Variants in ADCY8 observed in about 807,000 individuals in gnomAD.
ADCY8 encodes the protein adenylate cyclase 8, also known as adenylate cyclase type 8.
A neutral mutation model predicts 119.7 loss-of-function variants in ADCY8; 51 were observed. The observed-to-expected ratio is 0.43, with a 90% CI of 0.34 to 0.54. The LOEUF (loss-of-function observed/expected upper bound fraction) is 0.54. ADCY8 is among the 20% of genes least tolerant of loss of function. The pLI is 0.03. For synonymous variants in ADCY8, 665 were observed against 651.0 expected, an observed-to-expected ratio of 1.02 and a Z score of -0.33; for missense variants, 1,383 against 1,598.8, an observed-to-expected ratio of 0.87 and a Z score of 2.30.
At chr8:130,821,275 A>C (rs1437427287) in intron 13 of ADCY8, 67 bp downstream of exon 13, 3 of 1,369,290 alleles carry the variant, frequency 2.2e-6, no homozygotes, top group Non-Finnish European at 3.1e-6. Flanking sequence ...AAAGAGCAGC[A>C]GAGGCCAGTT....
chr8:130,839,318 C>T (rs982955885), intron 11 of ADCY8, among the ~76,000 whole-genome samples: 2 of 139,938 alleles, frequency 1.4e-5, no homozygotes, highest in African/African-American at 4.9e-5. Flanking sequence ...TTACTCCTAT[C>T]CCCCATTCCA....
At chr8:130,794,713 A>G (rs547753400) in intron 15 of ADCY8, among the ~76,000 whole-genome samples, 1 of 152,366 alleles carries the variant, frequency 6.6e-6, no homozygotes, top group South Asian at 2.1e-4. Flanking sequence ...CTCACAGCAC[A>G]TGAATTTTAG....
intron 7 of ADCY8, among the ~76,000 whole-genome samples, chr8:130,890,487 C>T (rs117824332): frequency 0.022 from 3,333 of 152,220 alleles, 75 homozygotes; most frequent in South Asian, 0.08. Context: ...ATTCTGTTTA[C>T]CAAACTGTAT....
chr8:131,017,230 C>CGGCT (rs1399920375), intron 1 of ADCY8, among the ~76,000 whole-genome samples: 1 of 151,976 alleles, frequency 6.6e-6, no homozygotes, highest in African/African-American at 2.4e-5. Context: ...CCACCACGCC[C>CGGCT]GGCTAATTTG....
intron 2 of ADCY8, among the ~76,000 whole-genome samples, chr8:130,975,487 G>T (rs887771209): frequency 6.6e-6 from 1 of 152,200 alleles, no homozygotes; most frequent in Non-Finnish European, 1.5e-5. Flanking sequence ...AAGGTCCATT[G>T]TAGAAGCAAG....
chr8:130,864,660 A>G (rs1818053230), intron 9 of ADCY8, among the ~76,000 whole-genome samples: 1 of 152,114 alleles, frequency 6.6e-6, no homozygotes, highest in Admixed American at 6.5e-5. Flanking sequence ...CATTGAAGGC[A>G]TTCATTATTT....
At chr8:130,940,031 G>A (rs1347493045) in intron 4 of ADCY8, among the ~76,000 whole-genome samples, 1 of 152,158 alleles carries the variant, frequency 6.6e-6, no homozygotes, top group Non-Finnish European at 1.5e-5. Context: ...AAAGCACTTT[G>A]GCAAAAATCT....
intron 9 of ADCY8, among the ~76,000 whole-genome samples, chr8:130,852,484 T>A (rs760619586): frequency 1.1e-4 from 16 of 152,156 alleles, no homozygotes; most frequent in African/African-American, 1.4e-4. Context: ...TGCAGGCGGA[T>A]CGCTTTGTCA....
chr8:131,019,832 TC>T (rs1823603440), intron 1 of ADCY8, among the ~76,000 whole-genome samples: 2 of 111,688 alleles, frequency 1.8e-5, no homozygotes, highest in South Asian at 7.0e-4. Flanking sequence ...TCTCTCTCTC[TC>T]TCTCTGTCTG....
At chr8:130,892,253 A>G (rs1819213803) in intron 7 of ADCY8, 2 of 152,118 alleles carry the variant, frequency 1.3e-5, no homozygotes, top group African/African-American at 2.4e-5. Flanking sequence ...TGAGTAAACA[A>G]TGTCAGTCTG....
chr8:131,014,309 T>C (rs1372901424), intron 1 of ADCY8, among the ~76,000 whole-genome samples: 1 of 152,208 alleles, frequency 6.6e-6, no homozygotes, highest in Non-Finnish European at 1.5e-5. Context: ...ATGGTGATTA[T>C]GAGTAAGTGC....
intron 8 of ADCY8, among the ~76,000 whole-genome samples, chr8:130,871,741 T>G (rs1818366083): frequency 6.6e-6 from 1 of 152,212 alleles, no homozygotes; most frequent in African/African-American, 2.4e-5. Context: ...AAAAGATTCT[T>G]CTAAAGAAAT....
chr8:131,032,701 C>G (rs1001250105), intron 1 of ADCY8, among the ~76,000 whole-genome samples: 9 of 152,148 alleles, frequency 5.9e-5, no homozygotes, highest in African/African-American at 1.9e-4. Context: ...AATCTGGCTT[C>G]CGAAGCACTG....
At chr8:131,010,674 T>A (rs371086264) in intron 1 of ADCY8, among the ~76,000 whole-genome samples, 2 of 152,154 alleles carry the variant, frequency 1.3e-5, no homozygotes, top group African/African-American at 2.4e-5. Context: ...TGACATGGAG[T>A]GAGAAGATGA....
chr8:130,853,126 G>C (rs1817591963), intron 9 of ADCY8, among the ~76,000 whole-genome samples: 1 of 152,172 alleles, frequency 6.6e-6, no homozygotes, highest in Admixed American at 6.5e-5. Flanking sequence ...TCCTTGGAGG[G>C]CAGGGCCATT....
At chr8:130,903,669 G>A in intron 7 of ADCY8, 103 bp downstream of exon 7, 1 of 1,328,226 alleles carries the variant, frequency 7.5e-7, no homozygotes, top group Non-Finnish European at 1.0e-6. Context: ...GTGTTCATTG[G>A]AGAAAAGGTT....
At chr8:130,878,622 GTCT>G (rs773173589) in intron 8 of ADCY8, among the ~76,000 whole-genome samples, 7 of 152,166 alleles carry the variant, frequency 4.6e-5, no homozygotes, top group Non-Finnish European at 7.3e-5. Context: ...CAAAATGCAG[GTCT>G]TCTTGCAAAA....
intron 13 of ADCY8, among the ~76,000 whole-genome samples, chr8:130,818,906 T>G (rs1180082435): frequency 6.6e-6 from 1 of 152,258 alleles, no homozygotes; most frequent in African/African-American, 2.4e-5. Context: ...CTCAGGGGAC[T>G]TCAATCTCTG....
chr8:130,899,143 T>C (rs1409753598), intron 7 of ADCY8, among the ~76,000 whole-genome samples: 1 of 152,228 alleles, frequency 6.6e-6, no homozygotes, highest in Admixed American at 6.5e-5. Flanking sequence ...GAATGCTCTT[T>C]TCCTGCTTAT....
Sources: allele counts gnomAD v4.1 joint callset (sites outside exome capture counted in the v4.1 genomes callset), GRCh38; gene constraint gnomAD v4.1.1; transcripts MANE v1.5; gene names NCBI Gene and HGNC (gene_info 2026-07-23, HGNC 2026-07-21).